Variants in AHCYL2 observed in about 807,000 individuals in gnomAD.
AHCYL2 encodes the protein adenosylhomocysteinase like 2.
In AHCYL2, 28 loss-of-function variants were observed where a neutral mutation model predicts 81.4. The ratio of observed to expected loss-of-function variants is 0.34; its 90% CI spans 0.25 to 0.47. The LOEUF (loss-of-function observed/expected upper bound fraction) is 0.47. Among genes scored for constraint, AHCYL2 ranks in the 20% least tolerant of loss-of-function variants. The probability of loss-of-function intolerance (pLI) is 1.00; values close to 1 mark genes in which losing one functional copy is unlikely to be tolerated. For synonymous variants in AHCYL2, 272 were observed against 290.2 expected (o/e 0.94, Z 0.64); for missense variants, 551 against 785.1 (o/e 0.70, Z 3.56).
At chr7:129,243,784 G>T (rs1472447122) in intron 1 of AHCYL2, among the ~76,000 whole-genome samples, 1 of 151,838 alleles carries the variant, frequency 6.6e-6, no homozygotes, top group Non-Finnish European at 1.5e-5. Flanking sequence ...GTTTCACCGT[G>T]TAAGCCAGCA....
chr7:129,400,287 C>A lies in AHCYL2; in HGVS notation c.824-3C>A. 6.2e-7 allele frequency: 1 copy of A among 1,609,098 alleles called. No homozygotes were observed. Among genetic ancestry groups the A allele is most frequent in the South Asian group, 1.1e-5 (1 of 90,314 alleles). ...GGTTTCCCTTTGTTCCTTTTTTTCC[C>A]AGGATTTCCTGTTTTTGCCTGGAAG... is the stretch of plus-strand genomic sequence containing the variant. On this transcript the variant is annotated splice_polypyrimidine_tract_variant and splice_region_variant and intron_variant, in intron 5 of 16. Coordinates refer to ENST00000325006, the MANE Select transcript of AHCYL2 (RefSeq NM_015328.4).
Position 129,424,910 on chromosome 7 carries a change from A to G in AHCYL2, c.1597A>G (p.Thr533Ala). Residue 533 changes from threonine to alanine, a missense_variant, in exon 14 of 17, where the codon ACA (threonine) becomes GCA (alanine). Thr to Ala is a moderately conservative substitution (Grantham distance 58). Transcript: ENST00000325006. Reference protein sequence around the residue: ...LLNLSCSTVPTFVLSITATTQ... With the variant: ...LLNLSCSTVPAFVLSITATTQ... ...GAACCTTAGCTGCTCCACAGTGCCTACATTTGTGCTCTCAATCACTGCTAC... is the reference window on the plus strand; with the variant it reads ...GAACCTTAGCTGCTCCACAGTGCCTGCATTTGTGCTCTCAATCACTGCTAC... 6.2e-7 allele frequency: 1 copy of G among 1,613,606 alleles called. No individual in the cohort carries two copies. Among genetic ancestry groups the G allele is most frequent in the Non-Finnish European group, 8.5e-7 (1 of 1,179,996 alleles).
In AHCYL2 at chr7:129,379,680, C is replaced by A; in HGVS notation, c.406C>A (p.Pro136Thr). The A allele has an allele frequency of 6.2e-7, 1 of 1,614,118 alleles. No homozygotes were observed. The highest frequency in any genetic ancestry group is 8.5e-7 in the Non-Finnish European group (1 of 1,180,008). Residue 136 changes from proline (P) to threonine (T), a missense_variant, in exon 2 of 17, where the codon CCC becomes ACC. Transcript: ENST00000325006. ...ADQKQEFNKR[P>T]TKIGRRSLSR... ...CCAGAAGCAAGAATTCAACAAACGT[C>A]CCACCAAAATTGGACGTCGCTCTTT...
At chr7:129,233,578 C>G (rs994237761) in intron 1 of AHCYL2, among the ~76,000 whole-genome samples, 1 of 152,164 alleles carries the variant, frequency 6.6e-6, no homozygotes, top group Non-Finnish European at 1.5e-5. Context: ...ACCTCCGCCT[C>G]CCGGGTTCAA....
chr7:129,319,084 AT>A (rs1797926071), intron 1 of AHCYL2, among the ~76,000 whole-genome samples: 1 of 152,162 alleles, frequency 6.6e-6, no homozygotes, highest in South Asian at 2.1e-4. Flanking sequence ...AACAAGAATA[AT>A]CCAGTAGAAA....
At chr7:129,389,775 T>C in intron 4 of AHCYL2, 41 bp downstream of exon 4, 1 of 1,531,616 alleles carries the variant, frequency 6.5e-7, no homozygotes, top group South Asian at 1.2e-5. Context: ...CAATAGTTAA[T>C]AATAGCCACG....
At chr7:129,330,047 G>T (rs6467239) in intron 1 of AHCYL2, among the ~76,000 whole-genome samples, 13,821 of 152,118 alleles carry the variant, frequency 0.091, 1,229 homozygotes, top group African/African-American at 0.24. Context: ...TGTTGTTGCC[G>T]AGGCTGGAGT....
At chr7:129,372,379 T>C (rs1794451150) in intron 1 of AHCYL2, among the ~76,000 whole-genome samples, 2 of 152,210 alleles carry the variant, frequency 1.3e-5, no homozygotes, top group African/African-American at 2.4e-5. Flanking sequence ...TGATCCTCTT[T>C]AGGATAAATA....
chr7:129,247,032 T>C (rs1289381051), intron 1 of AHCYL2, among the ~76,000 whole-genome samples: 2 of 152,366 alleles, frequency 1.3e-5, no homozygotes, highest in Middle Eastern at 3.4e-3. Flanking sequence ...TGATCAATTA[T>C]GGTAAATCTT....
intron 7 of AHCYL2, among the ~76,000 whole-genome samples, chr7:129,404,194 C>A (rs1322878930): frequency 6.6e-6 from 1 of 151,838 alleles, no homozygotes; most frequent in African/African-American, 2.4e-5. Context: ...TAGCAGTAGA[C>A]AAAACAGACA....
intron 1 of AHCYL2, 67 bp downstream of exon 1, chr7:129,225,506 A>ACGG (rs1563156621): frequency 7.0e-7 from 1 of 1,421,684 alleles, no homozygotes; most frequent in Non-Finnish European, 9.1e-7. Context: ...TCCTCTCGGC[A>ACGG]CGGCGGCACC....
chr7:129,301,191 A>G (rs1383476500), intron 1 of AHCYL2, among the ~76,000 whole-genome samples: 3 of 152,072 alleles, frequency 2.0e-5, no homozygotes, highest in Non-Finnish European at 4.4e-5. Context: ...TCTTTTGCCC[A>G]TTTTTTAATT....
intron 8 of AHCYL2, 32 bp downstream of exon 8, chr7:129,405,245 G>A: frequency 6.6e-7 from 1 of 1,524,870 alleles, no homozygotes; most frequent in East Asian, 2.4e-5. Context: ...ATGAAGTTGT[G>A]ATGTCCAGTT....
chr7:129,369,713 G>A (rs751366883), intron 1 of AHCYL2, among the ~76,000 whole-genome samples: 23 of 151,858 alleles, frequency 1.5e-4, no homozygotes, highest in Non-Finnish European at 2.6e-4. Context: ...CCACCATACC[G>A]GGTAATTTTT....
intron 1 of AHCYL2, among the ~76,000 whole-genome samples, chr7:129,307,698 T>C (rs182025367): frequency 1.3e-5 from 2 of 151,788 alleles, no homozygotes; most frequent in Admixed American, 1.3e-4. Flanking sequence ...GCCAACACAG[T>C]CGTGAATTTG....
rs1797383965 is a variant in AHCYL2 at position 129,426,768 on chromosome 7, G to A, written c.1829+205G>A. Among the ~76,000 whole-genome samples the A allele has an allele frequency of 6.6e-6, 1 of 151,920 alleles. No individual in the cohort carries two copies. On this transcript the variant is annotated intron_variant, in intron 16 of 16. Transcript: ENST00000325006. This position sits in a 1 kb window ranked among gnomAD's most constrained non-coding sequence, Gnocchi z 4.3. ...ATTTGCCTTTTGGAGATAGAGAGGT[G>A]GAGTTTGGGTAAGTGGCTATTTGCC... is the stretch of plus-strand genomic sequence containing the variant.
At chr7:129,394,583 G>A (rs1795633955) in intron 4 of AHCYL2, among the ~76,000 whole-genome samples, 3 of 151,862 alleles carry the variant, frequency 2.0e-5, no homozygotes, top group Non-Finnish European at 4.4e-5. Flanking sequence ...GAATAACTGG[G>A]ATTAAAGGCA....
intron 11 of AHCYL2, among the ~76,000 whole-genome samples, chr7:129,412,437 C>T (rs1796628478): frequency 6.6e-6 from 1 of 151,870 alleles, no homozygotes; most frequent in Non-Finnish European, 1.5e-5. Flanking sequence ...CACACCACCA[C>T]ACCCGGCTAA....
chr7:129,344,102 T>A (rs1793280024), intron 1 of AHCYL2, among the ~76,000 whole-genome samples: 1 of 152,130 alleles, frequency 6.6e-6, no homozygotes, highest in African/African-American at 2.4e-5. Flanking sequence ...CTAGAATGGC[T>A]AAAATTAAAA....
Sources: allele counts gnomAD v4.1 joint callset (sites outside exome capture counted in the v4.1 genomes callset), GRCh38; gene constraint gnomAD v4.1.1; non-coding constraint Gnocchi (gnomAD v3.1); transcripts MANE v1.5; gene names NCBI Gene and HGNC (gene_info 2026-07-23, HGNC 2026-07-21).